DOCK1: variants seen among roughly 807,000 people sequenced by gnomAD.
DOCK1 encodes the protein dedicator of cytokinesis 1.
Under a neutral mutation model 262.7 loss-of-function variants are expected in DOCK1, and 138 were observed. That is an observed-to-expected ratio of 0.53 (90% CI 0.46 to 0.61). The LOEUF (loss-of-function observed/expected upper bound fraction) is 0.61. DOCK1 is among the 20% of genes least tolerant of loss of function. The pLI is 0.00. For synonymous variants in DOCK1, 866 were observed against 867.4 expected (o/e 1.00, Z 0.03); for missense variants, 1,908 against 2,370.7 (o/e 0.80, Z 4.05).
chr10:127,074,107 C>G (rs2046383100), intron 23 of DOCK1, among the ~76,000 whole-genome samples: 1 of 152,130 alleles, frequency 6.6e-6, no homozygotes, highest in Non-Finnish European at 1.5e-5. Context: ...ATCATTAGCT[C>G]TGTTATATTG....
intron 37 of DOCK1, among the ~76,000 whole-genome samples, chr10:127,382,782 A>G (rs1033754662): frequency 1.3e-5 from 2 of 152,230 alleles, no homozygotes; most frequent in Admixed American, 1.3e-4. Context: ...AAACTTTTAT[A>G]TGCATGTGTG....
chr10:127,372,074 G>T (rs1436415338), intron 33 of DOCK1, among the ~76,000 whole-genome samples: 1 of 152,186 alleles, frequency 6.6e-6, no homozygotes, highest in Non-Finnish European at 1.5e-5. Flanking sequence ...AGACCATGGA[G>T]AAGATCAAGA....
intron 27 of DOCK1, among the ~76,000 whole-genome samples, chr10:127,240,194 T>C (rs1250388592): frequency 6.6e-6 from 1 of 151,872 alleles, no homozygotes; most frequent in Non-Finnish European, 1.5e-5. Context: ...GATACAGGTT[T>C]AATTTTGTTG....
At chr10:127,197,688 A>C (rs2057270565) in intron 27 of DOCK1, among the ~76,000 whole-genome samples, 1 of 152,204 alleles carries the variant, frequency 6.6e-6, no homozygotes, top group Non-Finnish European at 1.5e-5. Flanking sequence ...ATCAGTGGGC[A>C]GTGAGACCTC....
At chr10:127,319,634 C>T (rs186205282) in intron 29 of DOCK1, among the ~76,000 whole-genome samples, 18 of 152,234 alleles carry the variant, frequency 1.2e-4, no homozygotes, top group African/African-American at 4.3e-4. Flanking sequence ...TTGGTGAATA[C>T]GATTTACTAG....
chr10:127,084,641 A>G (rs1009279313), intron 23 of DOCK1, among the ~76,000 whole-genome samples: 2 of 152,226 alleles, frequency 1.3e-5, no homozygotes, highest in Non-Finnish European at 1.5e-5. Context: ...GTACTTTGCT[A>G]TACCTTTCTA....
intron 27 of DOCK1, among the ~76,000 whole-genome samples, chr10:127,191,009 G>C (rs748286499): frequency 6.6e-6 from 1 of 151,980 alleles, no homozygotes; most frequent in Admixed American, 6.6e-5. Context: ...TCCTCAAACT[G>C]ACTCCAGACT....
chr10:127,008,645 A>G (rs2041205070), intron 10 of DOCK1, 87 bp from the exon 11 acceptor site: 1 of 1,137,836 alleles, frequency 8.8e-7, no homozygotes, highest in African/African-American at 1.5e-5. Context: ...TGTTTGCCAG[A>G]AGATATTCTG....
At chr10:127,003,279 C>T (rs905299107) in intron 10 of DOCK1, among the ~76,000 whole-genome samples, 5 of 149,914 alleles carry the variant, frequency 3.3e-5, no homozygotes, top group Middle Eastern at 3.5e-3. Context: ...TATGAACCTG[C>T]GTGAACCTGT....
At chr10:127,062,966 T>C (rs61873993) in intron 23 of DOCK1, among the ~76,000 whole-genome samples, 58 of 152,252 alleles carry the variant, frequency 3.8e-4, no homozygotes, top group Admixed American at 7.8e-4. Flanking sequence ...GAGGCCTGAG[T>C]GTTCTTTAGG....
At chr10:127,195,244 A>T (rs1429788918) in intron 27 of DOCK1, among the ~76,000 whole-genome samples, 1 of 151,850 alleles carries the variant, frequency 6.6e-6, no homozygotes, top group African/African-American at 2.4e-5. Flanking sequence ...AGCTGCCCCG[A>T]CCCCGGGCTG....
At chr10:127,232,960 T>C (rs1460496780) in intron 27 of DOCK1, among the ~76,000 whole-genome samples, 1 of 152,194 alleles carries the variant, frequency 6.6e-6, no homozygotes, top group East Asian at 1.9e-4. Context: ...ACTAAACATC[T>C]GTTGCAAAGT....
At chr10:127,024,516 G>A (rs960126743) in intron 14 of DOCK1, among the ~76,000 whole-genome samples, 169 bp from the exon 15 acceptor site, 1 of 152,136 alleles carries the variant, frequency 6.6e-6, no homozygotes, top group African/African-American at 2.4e-5. Context: ...GGAGCTGGCC[G>A]CTGGCTTCAG....
At chr10:127,321,642 G>C (rs2062534177) in intron 29 of DOCK1, among the ~76,000 whole-genome samples, 1 of 151,790 alleles carries the variant, frequency 6.6e-6, no homozygotes, top group African/African-American at 2.4e-5. Flanking sequence ...CATGGCTGTG[G>C]ATGGCTCCCC....
At chr10:127,004,937 G>A (rs1323601788) in intron 10 of DOCK1, among the ~76,000 whole-genome samples, 1 of 152,088 alleles carries the variant, frequency 6.6e-6, no homozygotes, top group Non-Finnish European at 1.5e-5. Flanking sequence ...GCTCTGCCCC[G>A]CTTATCACAT....
rs1181271440 is a variant in DOCK1, at chr10:127,374,051, T to C, written c.3519-7T>C. The C allele has an allele frequency of 6.2e-7, 1 of 1,601,606 alleles. No homozygotes were observed. Among genetic ancestry groups the C allele is most frequent in the Admixed American group, 1.7e-5 (1 of 57,594 alleles). ...TGATTAACAAGGTGTGTATAATTAT[T>C]TTTCAGCCTTCTGGAACACTGCAGG... On this transcript the variant is annotated splice_polypyrimidine_tract_variant and splice_region_variant and intron_variant, in intron 34 of 51. Coordinates refer to ENST00000623213, the MANE Select transcript of DOCK1 (RefSeq NM_001290223.2).
At chr10:127,168,827 C>T (rs1377041639) in intron 27 of DOCK1, among the ~76,000 whole-genome samples, 5 of 152,240 alleles carry the variant, frequency 3.3e-5, no homozygotes, top group East Asian at 1.9e-4. Flanking sequence ...GCTGCTGCAG[C>T]GGTGCACAAT....
At chr10:127,203,397 G>A (rs577739804) in intron 27 of DOCK1, among the ~76,000 whole-genome samples, 8 of 152,146 alleles carry the variant, frequency 5.3e-5, no homozygotes, top group Admixed American at 3.3e-4. Flanking sequence ...CATTTTATGC[G>A]CTTAGTGCAA....
At chr10:126,919,236 G>A (rs1186371090) in intron 1 of DOCK1, among the ~76,000 whole-genome samples, 1 of 152,174 alleles carries the variant, frequency 6.6e-6, no homozygotes, top group Admixed American at 6.5e-5. Flanking sequence ...TGGAATAAAG[G>A]CACTTATCAA....
Sources: allele counts gnomAD v4.1 joint callset (sites outside exome capture counted in the v4.1 genomes callset), GRCh38; gene constraint gnomAD v4.1.1; transcripts MANE v1.5; gene names NCBI Gene and HGNC (gene_info 2026-07-23, HGNC 2026-07-21).